Variants in LRP1B observed in about 807,000 individuals in gnomAD.
The protein encoded by LRP1B is low-density lipoprotein receptor-related protein 1B.
In LRP1B, 217 loss-of-function variants were observed where a neutral mutation model predicts 556.6. That is an observed-to-expected ratio of 0.39 (90% CI 0.35 to 0.44). The LOEUF (loss-of-function observed/expected upper bound fraction) is 0.44. Among genes scored for constraint, LRP1B ranks in the 20% least tolerant of loss-of-function variants. LRP1B has a pLI of 1.00. For synonymous variants in LRP1B, 2,047 were observed against 1,865.8 expected (o/e 1.10, Z -2.50); for missense variants, 5,053 against 5,620.8 (o/e 0.90, Z 3.23).
intron 20 of LRP1B, among the ~76,000 whole-genome samples, chr2:140,944,488 A>C (rs1458885178): frequency 6.6e-6 from 1 of 152,076 alleles, no homozygotes; most frequent in African/African-American, 2.4e-5. Flanking sequence ...TAATATTCCT[A>C]ATGAACACAG....
At chr2:141,023,244 TATAA>T (rs1698117620) in intron 11 of LRP1B, among the ~76,000 whole-genome samples, 1 of 151,944 alleles carries the variant, frequency 6.6e-6, no homozygotes, top group Admixed American at 6.6e-5. Context: ...TGGAGTAATA[TATAA>T]ATAGTGCATT....
chr2:140,597,956 G>T (rs943903602), intron 43 of LRP1B, among the ~76,000 whole-genome samples: 3 of 152,082 alleles, frequency 2.0e-5, no homozygotes, highest in African/African-American at 7.2e-5. Flanking sequence ...TAGGGACATG[G>T]GTCCAGATTT....
chr2:141,193,780 A>C (rs1440469438), intron 6 of LRP1B, among the ~76,000 whole-genome samples: 1 of 152,000 alleles, frequency 6.6e-6, no homozygotes, highest in East Asian at 1.9e-4. Flanking sequence ...TGCTTAAAAA[A>C]AAAAATAAAA....
intron 1 of LRP1B, among the ~76,000 whole-genome samples, chr2:141,840,944 A>AT (rs1197423086): frequency 4.0e-5 from 6 of 148,676 alleles, no homozygotes; most frequent in African/African-American, 4.9e-5. Flanking sequence ...AAAAAAAAAA[A>AT]ACCGTGGTGG....
Position 141,977,282 on chromosome 2 carries a change from T to C in LRP1B, c.82+153366A>G, listed in dbSNP as rs145839825. ...AATCCAGATCGCTAAACCATTATAC[T>C]GAAAGGCCACTGGGCACGGTGGCTC... On this transcript the variant is annotated intron_variant, in intron 1 of 90. Transcript: ENST00000389484. Among the ~76,000 whole-genome samples, 180 of 152,242 alleles carry C rather than the reference T, an allele frequency of 1.2e-3. 1 individual carries two copies. Among genetic ancestry groups the C allele is most frequent in the African/African-American group, 4.2e-3 (176 of 41,550 alleles).
intron 35 of LRP1B, among the ~76,000 whole-genome samples, chr2:140,741,398 C>T (rs1688132932): frequency 6.6e-6 from 1 of 151,698 alleles, no homozygotes; most frequent in African/African-American, 2.4e-5. Context: ...GATCAAGTTG[C>T]CAACATGACT....
At chr2:141,708,878 A>C (rs780532165) in intron 2 of LRP1B, among the ~76,000 whole-genome samples, 8 of 152,130 alleles carry the variant, frequency 5.3e-5, no homozygotes, top group Non-Finnish European at 1.0e-4. Context: ...AGCCAAGGAG[A>C]GAGGCCTCAG....
intron 5 of LRP1B, 145 bp from the exon 6 acceptor site, chr2:141,229,585 T>C: frequency 1.6e-6 from 1 of 618,148 alleles, no homozygotes; most frequent in Non-Finnish European, 2.7e-6. Flanking sequence ...CTATAAGTCA[T>C]ATGTATACTT....
intron 1 of LRP1B, among the ~76,000 whole-genome samples, chr2:141,993,699 C>G (rs558168034): frequency 6.6e-6 from 1 of 152,266 alleles, no homozygotes; most frequent in South Asian, 2.1e-4. Flanking sequence ...AAGTTACACA[C>G]TAAATGTCAG....
At chr2:141,234,479 C>T (rs891178339) in intron 5 of LRP1B, among the ~76,000 whole-genome samples, 10 of 152,008 alleles carry the variant, frequency 6.6e-5, no homozygotes, top group African/African-American at 1.7e-4. Flanking sequence ...TGGGCTCAAG[C>T]GATTCTCCTG....
chr2:140,239,126 G>T (rs1342271734), intron 88 of LRP1B, among the ~76,000 whole-genome samples: 1 of 150,686 alleles, frequency 6.6e-6, no homozygotes, highest in Non-Finnish European at 1.5e-5. Flanking sequence ...AATATAAAAA[G>T]ATGCTCCTCA....
chr2:141,914,553 T>G (rs989814500), intron 1 of LRP1B, among the ~76,000 whole-genome samples: 2 of 152,134 alleles, frequency 1.3e-5, no homozygotes, highest in African/African-American at 4.8e-5. Context: ...GGAAAAGAAG[T>G]AGTAAAACTA....
At chr2:140,237,004 A>G (rs1477413113) in intron 89 of LRP1B, among the ~76,000 whole-genome samples, 1 of 150,986 alleles carries the variant, frequency 6.6e-6, no homozygotes, top group African/African-American at 2.4e-5. Context: ...CCTCATACAT[A>G]GTTATTTTTT....
intron 1 of LRP1B, among the ~76,000 whole-genome samples, chr2:141,837,484 C>T (rs917603996): frequency 1.3e-5 from 2 of 151,992 alleles, no homozygotes; most frequent in Non-Finnish European, 2.9e-5. Context: ...AAAAAATCTT[C>T]AGCTTTCATT....
intron 89 of LRP1B, among the ~76,000 whole-genome samples, chr2:140,236,970 T>C (rs1405986676): frequency 6.6e-6 from 1 of 150,998 alleles, no homozygotes; most frequent in Non-Finnish European, 1.5e-5. Context: ...GCAGAAAAAA[T>C]CAAAGTATTT....
chr2:141,973,799 T>TA (rs1397572094), intron 1 of LRP1B, among the ~76,000 whole-genome samples: 2 of 151,512 alleles, frequency 1.3e-5, no homozygotes, highest in Non-Finnish European at 3.0e-5. Context: ...AAATCATAGA[T>TA]AATGACTTGT....
intron 3 of LRP1B, among the ~76,000 whole-genome samples, chr2:141,327,610 C>T (rs1687471774): frequency 6.6e-6 from 1 of 152,148 alleles, no homozygotes; most frequent in Non-Finnish European, 1.5e-5. Context: ...TATCCCTTTG[C>T]TGCCTTCTCC....
intron 20 of LRP1B, among the ~76,000 whole-genome samples, chr2:140,931,979 A>G (rs1267595548): frequency 6.6e-6 from 1 of 152,146 alleles, no homozygotes; most frequent in African/African-American, 2.4e-5. Context: ...ACATTTGGAA[A>G]TTACTGTTTG....
At chr2:140,756,285 C>T (rs1431263243) in intron 35 of LRP1B, among the ~76,000 whole-genome samples, 1 of 152,004 alleles carries the variant, frequency 6.6e-6, no homozygotes, top group Admixed American at 6.6e-5. Flanking sequence ...TCCTCACAAT[C>T]TCTCTCAAAA....
Sources: gnomAD v4.1 joint callset for allele counts (sites outside exome capture counted in the v4.1 genomes callset) on GRCh38, gnomAD v4.1.1 for gene constraint, MANE v1.5 for transcripts, NCBI Gene and HGNC (gene_info 2026-07-23, HGNC 2026-07-21) for gene names.